Variants in CHN2 observed in about 807,000 individuals in gnomAD.
The protein encoded by CHN2 is chimerin 2, also known as beta-chimaerin.
A neutral mutation model predicts 56.3 loss-of-function variants in CHN2; 35 were observed. The ratio of observed to expected loss-of-function variants is 0.62; its 90% CI spans 0.47 to 0.82. The LOEUF (loss-of-function observed/expected upper bound fraction) is 0.82, where lower values mean the gene tolerates loss of function less well. Ranked by LOEUF, CHN2 falls within the 40% of genes least tolerant of loss-of-function variation. The probability of loss-of-function intolerance (pLI) is 0.00; values close to 1 mark genes in which losing one functional copy is unlikely to be tolerated. For synonymous variants in CHN2, 210 were observed against 212.8 expected, an observed-to-expected ratio of 0.99 and a Z score of 0.12; for missense variants, 491 against 580.5, an observed-to-expected ratio of 0.85 and a Z score of 1.58.
At chr7:29,485,787 G>T (rs1252231465) in intron 7 of CHN2, among the ~76,000 whole-genome samples, 1 of 152,012 alleles carries the variant, frequency 6.6e-6, no homozygotes, top group African/African-American at 2.4e-5. Context: ...CTGGGCCCTG[G>T]AGCCATCAGA....
intron 6 of CHN2, among the ~76,000 whole-genome samples, chr7:29,458,527 T>C (rs1365196272): frequency 6.6e-6 from 1 of 152,172 alleles, no homozygotes; most frequent in Non-Finnish European, 1.5e-5. Flanking sequence ...CCCAACTTTT[T>C]ACTTCTCAAG....
intron 1 of CHN2, among the ~76,000 whole-genome samples, chr7:29,221,254 G>A (rs1257388645): frequency 6.6e-6 from 1 of 152,108 alleles, no homozygotes; most frequent in Non-Finnish European, 1.5e-5. Context: ...GAAGTAAACT[G>A]TTTTCCACAA....
chr7:29,213,739 A>G (rs1424165312), intron 1 of CHN2, among the ~76,000 whole-genome samples: 3 of 152,122 alleles, frequency 2.0e-5, no homozygotes, highest in Admixed American at 6.5e-5. Flanking sequence ...ATCTTTGTAG[A>G]AGGAGGTCTT....
At chr7:29,439,822 A>G (rs1401884286) in intron 6 of CHN2, among the ~76,000 whole-genome samples, 1 of 152,210 alleles carries the variant, frequency 6.6e-6, no homozygotes, top group African/African-American at 2.4e-5. Flanking sequence ...ACAGTAACTC[A>G]CACTTGTCTA....
At chr7:29,283,366 T>C (rs1229188630) in intron 1 of CHN2, among the ~76,000 whole-genome samples, 1 of 152,210 alleles carries the variant, frequency 6.6e-6, no homozygotes, top group Non-Finnish European at 1.5e-5. Context: ...AATTCTAAGA[T>C]GGTCTGCCCC....
intron 3 of CHN2, among the ~76,000 whole-genome samples, chr7:29,380,000 A>G (rs1800367124): frequency 6.6e-6 from 1 of 152,158 alleles, no homozygotes; most frequent in African/African-American, 2.4e-5. Flanking sequence ...AGGCTTCTGG[A>G]TTTTATGTAA....
intron 1 of CHN2, among the ~76,000 whole-genome samples, chr7:29,220,460 A>G (rs1054336465): frequency 1.3e-5 from 2 of 152,130 alleles, no homozygotes; most frequent in African/African-American, 4.8e-5. Flanking sequence ...TGAATTTCAG[A>G]AAAAAACAAG....
intron 1 of CHN2, among the ~76,000 whole-genome samples, chr7:29,273,353 A>ATATATATATATATATATATATGTGTATG (rs1562881892): frequency 3.0e-4 from 19 of 63,362 alleles, no homozygotes; most frequent in African/African-American, 1.4e-3. Context: ...GTATATATAT[A>ATATATATATATATATATATATGTGTATG]TATATATATA....
At chr7:29,271,456 A>G (rs1290224557) in intron 1 of CHN2, among the ~76,000 whole-genome samples, 1 of 152,188 alleles carries the variant, frequency 6.6e-6, no homozygotes, top group Non-Finnish European at 1.5e-5. Flanking sequence ...CGTTTCTCAG[A>G]CGCCCTCTGG....
rs150734752 is a variant in CHN2, at chr7:29,378,584, A to G, written c.144+10597A>G. On this transcript the variant is annotated intron_variant, in intron 3 of 12. Coordinates refer to ENST00000222792, the MANE Select transcript of CHN2 (RefSeq NM_004067.4). ...GAGCTGAGTACTTGAGACAGAAACT[A>G]TATGATCCCAAACCTAAGATATTTA... Among the ~76,000 whole-genome samples the G allele has an allele frequency of 1.2e-4, 18 of 152,362 alleles. No individual in the cohort carries two copies. The East Asian group carries it at 3.1e-3, about 26-fold the overall frequency.
upstream of CHN2, among the ~76,000 whole-genome samples, chr7:29,190,646 G>A (rs928337172): frequency 6.6e-6 from 1 of 152,180 alleles, no homozygotes; most frequent in South Asian, 2.1e-4. Context: ...TTATTCTTAT[G>A]TTTCACCGTT....
chr7:29,202,123 T>A (rs1269872092), intron 1 of CHN2, among the ~76,000 whole-genome samples: 1 of 152,158 alleles, frequency 6.6e-6, no homozygotes, highest in Admixed American at 6.5e-5. Flanking sequence ...AAAGTGCCCA[T>A]GTTCAAAAAG....
intron 1 of CHN2, among the ~76,000 whole-genome samples, chr7:29,275,600 C>A (rs767193290): frequency 6.6e-6 from 1 of 152,176 alleles, no homozygotes; most frequent in Non-Finnish European, 1.5e-5. Flanking sequence ...TATCTCATGC[C>A]AGCACTGAGC....
At chr7:29,340,403 G>T (rs549326738) in intron 1 of CHN2, among the ~76,000 whole-genome samples, 167 of 151,752 alleles carry the variant, frequency 1.1e-3, no homozygotes, top group African/African-American at 3.9e-3. Flanking sequence ...GTTGCTTGGG[G>T]GGGGGCCTCA....
At chr7:29,292,275 T>C (rs1584978287) in intron 1 of CHN2, among the ~76,000 whole-genome samples, 1 of 152,186 alleles carries the variant, frequency 6.6e-6, no homozygotes, top group African/African-American at 2.4e-5. Context: ...CACTGGAGAA[T>C]AGAAAATACT....
chr7:29,198,491 C>T (rs1320968964), intron 1 of CHN2, among the ~76,000 whole-genome samples: 1 of 152,094 alleles, frequency 6.6e-6, no homozygotes, highest in African/African-American at 2.4e-5. Flanking sequence ...CATGAATTTT[C>T]TTCTGGAATA....
At chr7:29,407,426 G>A (rs892994714) in intron 6 of CHN2, among the ~76,000 whole-genome samples, 2 of 151,948 alleles carry the variant, frequency 1.3e-5, no homozygotes, top group East Asian at 1.9e-4. Flanking sequence ...AAGCAGAGGC[G>A]TGCATTCATT....
At chr7:29,488,289 A>C (rs1237607944) in intron 7 of CHN2, among the ~76,000 whole-genome samples, 3 of 152,168 alleles carry the variant, frequency 2.0e-5, no homozygotes, top group Admixed American at 6.5e-5. Flanking sequence ...AGTTTAACCT[A>C]ATTTTTCATA....
intron 2 of CHN2, among the ~76,000 whole-genome samples, chr7:29,189,617 A>G (rs542070590): frequency 3.9e-5 from 6 of 152,100 alleles, no homozygotes; most frequent in Non-Finnish European, 8.8e-5. Flanking sequence ...AAACATATTC[A>G]ATGAGTTTCT....
Sources: allele counts gnomAD v4.1 joint callset (sites outside exome capture counted in the v4.1 genomes callset), GRCh38; gene constraint gnomAD v4.1.1; transcripts MANE v1.5; gene names NCBI Gene and HGNC (gene_info 2026-07-23, HGNC 2026-07-21).